Variants in TBXAS1 observed in about 807,000 individuals in gnomAD.
TBXAS1 encodes the protein thromboxane A synthase 1, also known as thromboxane-A synthase.
TBXAS1 carries 48 observed loss-of-function variants against 60.7 expected under a neutral mutation model. The observed-to-expected ratio is 0.79, with a 90% CI of 0.63 to 1.01. The LOEUF (loss-of-function observed/expected upper bound fraction) is 1.01, where lower values mean the gene tolerates loss of function less well. Among genes scored for constraint, TBXAS1 ranks in the 50% least tolerant of loss-of-function variants. The pLI, the probability that TBXAS1 is intolerant of heterozygous loss-of-function variation, is 0.00. For missense variants in TBXAS1, 685 were observed against 686.3 expected (o/e 1.00, Z 0.02); for synonymous variants, 287 against 269.7 (o/e 1.06, Z -0.63).
intron 9 of TBXAS1, among the ~76,000 whole-genome samples, chr7:140,003,306 C>T (rs577168795): frequency 7.2e-5 from 11 of 152,114 alleles, no homozygotes; most frequent in African/African-American, 1.9e-4. Context: ...CCGGTTCAAG[C>T]GATTCTCCTG....
rs137954510 is a variant in TBXAS1 at position 139,943,736 on chromosome 7, T to C, written c.450+7429T>C. 3.1e-3 allele frequency among the ~76,000 whole-genome samples: 467 copies of C among 152,016 alleles called. 1 individual carries two copies. Among genetic ancestry groups the C allele is most frequent in the African/African-American group, 0.011 (450 of 41,458 alleles). On this transcript the variant is annotated intron_variant, in intron 5 of 12. Transcript: ENST00000448866. The stretch of plus-strand genomic sequence containing the variant: ...GCAGGAAATTTTGCATAAAAAGGAG[T>C]CGTGGATGTTTTTAATATCTGGGTG...
chr7:139,863,750 G>A (rs1296987703), intron 1 of TBXAS1, among the ~76,000 whole-genome samples: 1 of 151,994 alleles, frequency 6.6e-6, no homozygotes, highest in Non-Finnish European at 1.5e-5. Flanking sequence ...GAAAATAGAA[G>A]GAAGTCCATA....
chr7:139,870,338 T>A (rs541804361), intron 1 of TBXAS1, among the ~76,000 whole-genome samples: 3 of 152,224 alleles, frequency 2.0e-5, no homozygotes, highest in Admixed American at 1.3e-4. Context: ...AATTATGTGG[T>A]CCAAGGTCTA....
chr7:139,902,693 G>A (rs58215147), intron 3 of TBXAS1, among the ~76,000 whole-genome samples: 38,767 of 151,900 alleles, frequency 0.26, 5,194 homozygotes, highest in South Asian at 0.43. Context: ...TCGCCAAAGC[G>A]GCTTTATGGT....
chr7:139,843,723 G>A (rs1433795372), intron 1 of TBXAS1, among the ~76,000 whole-genome samples: 1 of 152,206 alleles, frequency 6.6e-6, no homozygotes, highest in African/African-American at 2.4e-5. Context: ...CACATCTTAA[G>A]CCAGTGAGTG....
intron 9 of TBXAS1, among the ~76,000 whole-genome samples, chr7:139,970,428 G>T (rs369632444): frequency 6.6e-6 from 1 of 152,200 alleles, no homozygotes; most frequent in Non-Finnish European, 1.5e-5. Context: ...TTTCTAACCA[G>T]CTCCCAGGTG....
chr7:139,826,323 G>T (rs1043615183), upstream of TBXAS1, among the ~76,000 whole-genome samples: 3 of 152,142 alleles, frequency 2.0e-5, no homozygotes, highest in African/African-American at 7.2e-5. Flanking sequence ...AGTCTAAAAG[G>T]GCTTGAAATG....
At chr7:139,783,320 C>A (rs1797059969) in intron 3 of TBXAS1, among the ~76,000 whole-genome samples, 1 of 143,756 alleles carries the variant, frequency 7.0e-6, no homozygotes, top group African/African-American at 2.6e-5. Flanking sequence ...AAAGCGATGC[C>A]ATAAGAGCAT....
chr7:139,865,680 AGAGGAGGAGGAGGAAGAG>A (rs1348424029), intron 1 of TBXAS1, among the ~76,000 whole-genome samples: 1,078 of 15,584 alleles, frequency 0.069, 15 homozygotes, highest in African/African-American at 0.087. Flanking sequence ...AGGAGGAGGA[AGAGGAGGAGGAGGAAGAG>A]GAGGAGGAGG....
intron 4 of TBXAS1, among the ~76,000 whole-genome samples, chr7:139,807,089 G>A (rs1482102722): frequency 6.6e-6 from 1 of 152,168 alleles, no homozygotes; most frequent in South Asian, 2.1e-4. Flanking sequence ...CAGTCCAACT[G>A]CCCTCCCTGC....
chr7:139,950,712 GC>G (rs1584932380), intron 5 of TBXAS1, among the ~76,000 whole-genome samples: 1 of 128,014 alleles, frequency 7.8e-6, no homozygotes, highest in Non-Finnish European at 1.7e-5. Context: ...GGACCCCCTC[GC>G]CCTCCATCTA....
chr7:139,935,161 G>A (rs754152480), intron 4 of TBXAS1, among the ~76,000 whole-genome samples: 8 of 152,196 alleles, frequency 5.3e-5, no homozygotes, highest in African/African-American at 1.9e-4. Context: ...CCATCCCTCA[G>A]TAGCTCGTGG....
intron 3 of TBXAS1, among the ~76,000 whole-genome samples, chr7:139,895,792 T>G (rs1277182852): frequency 6.6e-6 from 1 of 152,236 alleles, no homozygotes; most frequent in Non-Finnish European, 1.5e-5. Flanking sequence ...GAGGACTCTT[T>G]GCCCCGCTAG....
At chr7:139,988,078 G>C (rs1812633081) in intron 9 of TBXAS1, among the ~76,000 whole-genome samples, 3 of 152,266 alleles carry the variant, frequency 2.0e-5, no homozygotes, top group Admixed American at 2.0e-4. Context: ...AAAGAGGCCT[G>C]TCCCAGCAGG....
At chr7:139,957,460 C>T (rs1037588534) in intron 7 of TBXAS1, 174 bp from the exon 8 acceptor site, 4 of 755,934 alleles carry the variant, frequency 5.3e-6, no homozygotes, top group Admixed American at 2.1e-5. Flanking sequence ...TGAGGAGTAC[C>T]GAGAGGGAGT....
At chr7:139,984,696 G>GA (rs1585005739) in intron 9 of TBXAS1, among the ~76,000 whole-genome samples, 4 of 104,256 alleles carry the variant, frequency 3.8e-5, no homozygotes, top group Admixed American at 3.1e-4. Context: ...AAAGAAAGAA[G>GA]AAAGAAAAAG....
chr7:139,834,509 T>C (rs1454131268), intron 1 of TBXAS1, among the ~76,000 whole-genome samples: 4 of 151,234 alleles, frequency 2.6e-5, no homozygotes, highest in Non-Finnish European at 5.9e-5. Context: ...ACACACAAAA[T>C]AAAAGATAAA....
intron 4 of TBXAS1, among the ~76,000 whole-genome samples, chr7:139,911,586 G>C (rs955120392): frequency 3.9e-5 from 6 of 152,162 alleles, no homozygotes; most frequent in Admixed American, 2.0e-4. Flanking sequence ...AAACCAAGAG[G>C]GTTTTCTAAA....
At chr7:139,905,694 C>T (rs1233504160) in intron 3 of TBXAS1, among the ~76,000 whole-genome samples, 3 of 152,096 alleles carry the variant, frequency 2.0e-5, no homozygotes, top group Admixed American at 6.5e-5. Flanking sequence ...AGTATTGGTA[C>T]CAATTCTTCT....
Sources: gnomAD v4.1 joint callset for allele counts (sites outside exome capture counted in the v4.1 genomes callset) on GRCh38, gnomAD v4.1.1 for gene constraint, MANE v1.5 for transcripts, NCBI Gene and HGNC (gene_info 2026-07-23, HGNC 2026-07-21) for gene names.